Variants in PRIM2 observed in about 807,000 individuals in gnomAD.
PRIM2 encodes the protein DNA primase large subunit.
A neutral mutation model predicts 67.3 loss-of-function variants in PRIM2; 39 were observed. The observed-to-expected ratio is 0.58, with a 90% CI of 0.45 to 0.76. The LOEUF (loss-of-function observed/expected upper bound fraction) is 0.76, where lower values mean the gene tolerates loss of function less well. PRIM2 is among the 30% of genes least tolerant of loss of function. The pLI is 0.00. For synonymous variants in PRIM2, 143 were observed against 198.7 expected (o/e 0.72, Z 2.36); for missense variants, 398 against 598.7 (o/e 0.66, Z 3.50).
intron 7 of PRIM2, among the ~76,000 whole-genome samples, chr6:57,391,022 T>C (rs1041568640): frequency 6.6e-6 from 1 of 151,970 alleles, no homozygotes; most frequent in African/African-American, 2.4e-5. Context: ...AAGTGTTCCC[T>C]CCTCTTCGCA....
intron 13 of PRIM2, among the ~76,000 whole-genome samples, chr6:57,639,073 C>G (rs1386645307): frequency 6.6e-6 from 1 of 152,192 alleles, no homozygotes; most frequent in African/African-American, 2.4e-5. Flanking sequence ...ACAGTGCAAT[C>G]AAATTAGAAC....
At chr6:57,247,217 C>T in the PRIM2 span, among the ~76,000 whole-genome samples, 1 of 152,146 alleles carries the variant, frequency 6.6e-6, no homozygotes, top group Non-Finnish European at 1.5e-5. Flanking sequence ...CGTGGCTGGG[C>T]AACTAGGTTT....
the PRIM2 span, among the ~76,000 whole-genome samples, chr6:57,235,977 T>G: frequency 6.6e-6 from 1 of 152,150 alleles, no homozygotes; most frequent in Non-Finnish European, 1.5e-5. Flanking sequence ...CAACCCTACT[T>G]CCACTTTGAT....
intron 7 of PRIM2, among the ~76,000 whole-genome samples, chr6:57,487,191 T>C (rs1415344879): frequency 2.0e-5 from 3 of 152,268 alleles, no homozygotes; most frequent in African/African-American, 7.2e-5. Context: ...GATTTTGAAT[T>C]AGTGTCTTCA....
chr6:57,286,427 AG>A, the PRIM2 span, among the ~76,000 whole-genome samples: 2 of 152,166 alleles, frequency 1.3e-5, no homozygotes, highest in South Asian at 4.1e-4. Context: ...CAAATGGAAC[AG>A]AACAGAGGCC....
chr6:57,238,498 A>T, the PRIM2 span, among the ~76,000 whole-genome samples: 2 of 152,226 alleles, frequency 1.3e-5, no homozygotes, highest in Admixed American at 1.3e-4. Context: ...AGAAATAAAG[A>T]TATTCTTTGA....
chr6:57,260,232 A>G, the PRIM2 span, among the ~76,000 whole-genome samples: 1 of 152,240 alleles, frequency 6.6e-6, no homozygotes, highest in Admixed American at 6.5e-5. Flanking sequence ...GTCCAAAAAC[A>G]AAAGCATATA....
chr6:57,628,931 G>T (rs1777000237), intron 12 of PRIM2, among the ~76,000 whole-genome samples: 1 of 152,056 alleles, frequency 6.6e-6, no homozygotes, highest in African/African-American at 2.4e-5. Flanking sequence ...TTGGATTTTG[G>T]TGTTTGCCAG....
intron 7 of PRIM2, among the ~76,000 whole-genome samples, chr6:57,441,848 A>C (rs1772211865): frequency 6.6e-6 from 1 of 152,158 alleles, no homozygotes; most frequent in South Asian, 2.1e-4. Flanking sequence ...CTGAGACTTT[A>C]ATCAAAGGTA....
chr6:57,507,371 T>G lies in PRIM2; in HGVS notation c.694-16T>G. On this transcript the variant is annotated splice_polypyrimidine_tract_variant and intron_variant, in intron 7 of 13. Transcript: ENST00000615550. ...CGGCCTTTGCTGTTTTTACTAATTT[T>G]CTTCCCTGCTTTTAGTTAACAGCCA... is the stretch of plus-strand genomic sequence containing the variant. 4.7e-6 allele frequency: 7 copies of G among 1,494,180 alleles called. No individual in the cohort carries two copies. The highest frequency in any genetic ancestry group is 6.3e-6 in the Non-Finnish European group (7 of 1,114,952). 92.6% of individuals were successfully genotyped at this position (1,494,180 alleles called of 1,614,324 possible).
chr6:57,566,261 T>G (rs2127479947), intron 10 of PRIM2, among the ~76,000 whole-genome samples: 1 of 151,858 alleles, frequency 6.6e-6, no homozygotes, highest in African/African-American at 2.4e-5. Flanking sequence ...CCTTCATAAG[T>G]GGTACTTTAT....
At chr6:57,554,833 T>C (rs1364122392) in intron 10 of PRIM2, among the ~76,000 whole-genome samples, 1 of 152,266 alleles carries the variant, frequency 6.6e-6, no homozygotes, top group African/African-American at 2.4e-5. Context: ...ACTTTTCATT[T>C]AAAAAGTATA....
upstream of PRIM2, among the ~76,000 whole-genome samples, chr6:57,313,051 T>C (rs147670664): frequency 1.3e-3 from 202 of 152,330 alleles, 4 homozygotes; most frequent in East Asian, 0.017. Context: ...TTGATGACTT[T>C]ATTCTTGTAC....
intron 7 of PRIM2, among the ~76,000 whole-genome samples, chr6:57,480,384 C>T (rs1424500064): frequency 1.3e-5 from 2 of 150,194 alleles, no homozygotes; most frequent in African/African-American, 2.5e-5. Context: ...CCAGTGAAAA[C>T]ATCTTGCATA....
chr6:57,258,022 T>C, the PRIM2 span, among the ~76,000 whole-genome samples: 1 of 152,204 alleles, frequency 6.6e-6, no homozygotes, highest in African/African-American at 2.4e-5. Context: ...GCTGGTCTTT[T>C]GTAATGTTTC....
At chr6:57,249,074 T>C in the PRIM2 span, among the ~76,000 whole-genome samples, 1 of 152,212 alleles carries the variant, frequency 6.6e-6, no homozygotes, top group Admixed American at 6.5e-5. Context: ...CTTTGAACCA[T>C]GATCACAGGA....
At chr6:57,341,000 A>C (rs1204739040) in intron 5 of PRIM2, among the ~76,000 whole-genome samples, 1 of 152,134 alleles carries the variant, frequency 6.6e-6, no homozygotes, top group Non-Finnish European at 1.5e-5. Context: ...TTTATTTATA[A>C]ATTTATATCC....
At chr6:57,478,239 T>A (rs1773525721) in intron 7 of PRIM2, among the ~76,000 whole-genome samples, 1 of 152,184 alleles carries the variant, frequency 6.6e-6, no homozygotes, top group Non-Finnish European at 1.5e-5. Flanking sequence ...ATACTGTATA[T>A]TTTTTGTAAC....
At chr6:57,281,238 G>T in the PRIM2 span, among the ~76,000 whole-genome samples, 3 of 152,094 alleles carry the variant, frequency 2.0e-5, no homozygotes, top group Non-Finnish European at 2.9e-5. Flanking sequence ...CCCGGCTATT[G>T]TGAATAGTGA....
Sources: allele counts gnomAD v4.1 joint callset (sites outside exome capture counted in the v4.1 genomes callset), GRCh38; gene constraint gnomAD v4.1.1; transcripts MANE v1.5; gene names NCBI Gene and HGNC (gene_info 2026-07-23, HGNC 2026-07-21).